The following PRKG1 variants were observed in gnomAD, a reference collection of about 807,000 sequenced individuals.
PRKG1 encodes cGMP-dependent protein kinase 1.
In PRKG1, 35 loss-of-function variants were observed where a neutral mutation model predicts 88.1. The ratio of observed to expected loss-of-function variants is 0.40; its 90% CI spans 0.30 to 0.53. The LOEUF is 0.53. Ranked by LOEUF, PRKG1 falls within the 20% of genes least tolerant of loss-of-function variation. PRKG1 has a pLI of 0.59. For missense variants in PRKG1, 540 were observed against 839.8 expected (o/e 0.64, Z 4.41); for synonymous variants, 303 against 292.5 (o/e 1.04, Z -0.37).
intron 3 of PRKG1, among the ~76,000 whole-genome samples, chr10:51,535,787 C>T (rs544551091): frequency 9.4e-5 from 14 of 149,382 alleles, no homozygotes; most frequent in Admixed American, 9.3e-4. Context: ...TGAAATGGCA[C>T]GATATCAGCT....
In PRKG1 at chr10:51,786,209, T is replaced by C. The variant is rs138826041; in HGVS notation, c.593-18376T>C. Among the ~76,000 whole-genome samples, 6 of 152,218 alleles carry C rather than the reference T, an allele frequency of 3.9e-5. No homozygotes were observed. In the East Asian group the frequency reaches 1.2e-3, roughly 29 times the overall value. On this transcript the variant is annotated intron_variant, in intron 3 of 17. Transcript: ENST00000373980. ...TTTTGGCTAAGATCTACTAAATTGC[T>C]GACTAGGTGATAGAACATTTGGCAG...
At chr10:51,935,908 G>A (rs7897551) in intron 5 of PRKG1, among the ~76,000 whole-genome samples, 1,974 of 152,026 alleles carry the variant, frequency 0.013, 35 homozygotes, top group African/African-American at 0.043. Context: ...AAAATGTATG[G>A]CACTCTTCCA....
At chr10:51,348,700 C>G (rs566054307) in intron 2 of PRKG1, among the ~76,000 whole-genome samples, 25 of 152,286 alleles carry the variant, frequency 1.6e-4, no homozygotes, top group African/African-American at 6.0e-4. Context: ...CGACCTTGGT[C>G]TCATTTCTTG....
Position 52,290,304 on chromosome 10 carries a change from C to A in PRKG1, c.1962+14C>A. ...ATAATACCAAGTGTAAGTAGACTTT[C>A]CAGCTTATAATTGTGTGACATAATT... On this transcript the variant is annotated intron_variant, in intron 17 of 17. Transcript: ENST00000373980. 1 of 1,588,858 alleles carries A rather than the reference C, an allele frequency of 6.3e-7. No individual in the cohort carries two copies. Among genetic ancestry groups the A allele is most frequent in the Non-Finnish European group, 8.6e-7 (1 of 1,159,800 alleles).
At chr10:51,737,653 G>T (rs1378163444) in intron 3 of PRKG1, among the ~76,000 whole-genome samples, 1 of 151,816 alleles carries the variant, frequency 6.6e-6, no homozygotes, top group Non-Finnish European at 1.5e-5. Flanking sequence ...TTCCTGCCCT[G>T]ATCTCAAGAA....
intron 2 of PRKG1, among the ~76,000 whole-genome samples, chr10:51,438,222 C>T (rs1003065244): frequency 1.3e-5 from 2 of 151,648 alleles, no homozygotes; most frequent in African/African-American, 2.4e-5. Flanking sequence ...TGAAGAATTA[C>T]GGAATTCCCA....
At chr10:51,657,286 C>T (rs1840184984) in intron 3 of PRKG1, among the ~76,000 whole-genome samples, 3 of 152,124 alleles carry the variant, frequency 2.0e-5, no homozygotes, top group African/African-American at 2.4e-5. Context: ...GCAGTCTATA[C>T]ACTTAGCCAC....
intron 7 of PRKG1, among the ~76,000 whole-genome samples, chr10:52,091,120 C>T (rs968963073): frequency 1.3e-5 from 2 of 152,042 alleles, no homozygotes; most frequent in Admixed American, 1.3e-4. Context: ...GTGCCGGGCT[C>T]TTGTCTGTTG....
chr10:51,088,920 A>C lies in PRKG1; in HGVS notation c.311+14019A>C, dbSNP rs1459413997. On this transcript the variant is annotated intron_variant, in intron 1 of 17. Coordinates refer to ENST00000373980, the MANE Select transcript of PRKG1 (RefSeq NM_006258.4). ...AGTTTAAACATTGGAAACCTATGTCACTGAGCTCAGTGGAATTTCCAAGCA... is the reference window on the plus strand; with the variant it reads ...AGTTTAAACATTGGAAACCTATGTCCCTGAGCTCAGTGGAATTTCCAAGCA... 2.0e-5 allele frequency among the ~76,000 whole-genome samples: 3 copies of C among 149,836 alleles called. No individual in the cohort carries two copies. In the East Asian group the frequency reaches 5.9e-4, roughly 29 times the overall value.
chr10:51,314,282 A>G (rs1319890232), intron 2 of PRKG1, among the ~76,000 whole-genome samples: 1 of 152,162 alleles, frequency 6.6e-6, no homozygotes, highest in Non-Finnish European at 1.5e-5. Flanking sequence ...TGAGAATCGC[A>G]GAGTCCCTCT....
intron 5 of PRKG1, among the ~76,000 whole-genome samples, chr10:51,936,239 C>T (rs747311280): frequency 6.6e-6 from 1 of 151,990 alleles, no homozygotes; most frequent in Non-Finnish European, 1.5e-5. Flanking sequence ...ATATCTCTAT[C>T]ATAGCAATTT....
chr10:51,679,453 A>G (rs1238862229), intron 3 of PRKG1, among the ~76,000 whole-genome samples: 2 of 152,010 alleles, frequency 1.3e-5, no homozygotes, highest in Non-Finnish European at 2.9e-5. Context: ...TTCCACCTAG[A>G]TTCTTGTGAT....
rs928448038 is a variant in PRKG1 at position 51,500,561 on chromosome 10, A to G, written c.592+32725A>G. Reference sequence around the variant, plus strand: ...TATCCAGGCTTGCTTAGAGCTTTTCACACACTGCATGAACCTTATATTGGG... The same window carrying G: ...TATCCAGGCTTGCTTAGAGCTTTTCGCACACTGCATGAACCTTATATTGGG... On this transcript the variant is annotated intron_variant, in intron 3 of 17. Coordinates refer to ENST00000373980, the MANE Select transcript of PRKG1 (RefSeq NM_006258.4). Among the ~76,000 whole-genome samples, 4 of 152,164 alleles carry G rather than the reference A, an allele frequency of 2.6e-5. No individual in the cohort carries two copies. In the South Asian group the frequency reaches 6.2e-4, roughly 24 times the overall value.
chr10:51,989,946 AC>A (rs1391252826), intron 5 of PRKG1, among the ~76,000 whole-genome samples: 1 of 152,128 alleles, frequency 6.6e-6, no homozygotes, highest in Non-Finnish European at 1.5e-5. Context: ...TTCAGGTTTT[AC>A]ATTTAAATCT....
chr10:51,518,282 G>A (rs568761465), intron 3 of PRKG1, among the ~76,000 whole-genome samples: 1 of 152,308 alleles, frequency 6.6e-6, no homozygotes, highest in East Asian at 1.9e-4. Context: ...ACAGGTGTGA[G>A]CCACCATGCC....
chr10:51,777,316 T>A (rs1236374215), intron 3 of PRKG1, among the ~76,000 whole-genome samples: 7 of 152,108 alleles, frequency 4.6e-5, no homozygotes, highest in Admixed American at 4.6e-4. Context: ...AAGTAACACA[T>A]CTAGAAAGTA....
Position 51,645,478 on chromosome 10 carries a change from T to A in PRKG1, c.593-159107T>A, listed in dbSNP as rs185434356. Among the ~76,000 whole-genome samples the A allele has an allele frequency of 4.1e-3, 629 of 152,342 alleles. 5 individuals carry two copies. Among genetic ancestry groups the A allele is most frequent in the Non-Finnish European group, 7.2e-3 (487 of 68,032 alleles). ...ATAAATAGATGTATATGCTGGGAAATACACAATAGCTTAATAATTATGTGA... is the reference window on the plus strand; with the variant it reads ...ATAAATAGATGTATATGCTGGGAAAAACACAATAGCTTAATAATTATGTGA... On this transcript the variant is annotated intron_variant, in intron 3 of 17. Coordinates refer to ENST00000373980, the MANE Select transcript of PRKG1 (RefSeq NM_006258.4).
chr10:51,945,418 G>A (rs1170364878), intron 5 of PRKG1, among the ~76,000 whole-genome samples: 4 of 150,764 alleles, frequency 2.7e-5, no homozygotes, highest in South Asian at 2.1e-4. Context: ...CAATTTGCCA[G>A]TCTGTGTCTT....
intron 4 of PRKG1, among the ~76,000 whole-genome samples, chr10:51,862,388 C>T (rs934750711): frequency 2.6e-5 from 4 of 152,060 alleles, no homozygotes; most frequent in Admixed American, 1.3e-4. Context: ...TGGTGGGTTC[C>T]GGGTTCTTGT....
Sources: gnomAD v4.1 joint callset for allele counts (sites outside exome capture counted in the v4.1 genomes callset) on GRCh38, gnomAD v4.1.1 for gene constraint, MANE v1.5 for transcripts, NCBI Gene and HGNC (gene_info 2026-07-23, HGNC 2026-07-21) for gene names.